The following RMDN2 variants were observed in gnomAD, a reference collection of about 807,000 sequenced individuals.
RMDN2 encodes the protein regulator of microtubule dynamics 2, also known as regulator of microtubule dynamics protein 2.
Under a neutral mutation model 52.8 loss-of-function variants are expected in RMDN2, and 61 were observed. That is an observed-to-expected ratio of 1.16 (90% CI 0.94 to 1.43). RMDN2 has a LOEUF of 1.43. Among genes scored for constraint, RMDN2 ranks in the 40% most tolerant of loss-of-function variants. The probability of loss-of-function intolerance (pLI) is 0.00; values close to 1 mark genes in which losing one functional copy is unlikely to be tolerated. For missense variants in RMDN2, 592 were observed against 475.3 expected (o/e 1.25, Z -2.28); for synonymous variants, 180 against 153.1 (o/e 1.18, Z -1.30).
chr2:37,981,232 C>G, intron 4 of RMDN2, 51 bp from the exon 5 acceptor site: 1 of 1,092,512 alleles, frequency 9.2e-7, no homozygotes, highest in South Asian at 1.2e-5. Context: ...AATAATCCAC[C>G]TCCTACCAAC....
intron 2 of RMDN2, among the ~76,000 whole-genome samples, chr2:37,954,903 T>A (rs1669261186): frequency 6.6e-6 from 1 of 152,108 alleles, no homozygotes; most frequent in East Asian, 1.9e-4. Context: ...TCAGTGTAGG[T>A]TTTTCATCTC....
chr2:37,954,010 C>T (rs951326321), intron 2 of RMDN2, among the ~76,000 whole-genome samples: 1 of 151,864 alleles, frequency 6.6e-6, no homozygotes, highest in Non-Finnish European at 1.5e-5. Flanking sequence ...GGAGAAATGC[C>T]AATTCAAGTC....
chr2:38,047,202 G>A (rs916245243), intron 10 of RMDN2, among the ~76,000 whole-genome samples: 2 of 152,024 alleles, frequency 1.3e-5, no homozygotes, highest in Non-Finnish European at 2.9e-5. Context: ...AGACTAAAAG[G>A]AAACGACATC....
intron 2 of RMDN2, among the ~76,000 whole-genome samples, chr2:37,931,017 C>A (rs1418771720): frequency 6.6e-6 from 1 of 151,246 alleles, no homozygotes; most frequent in Admixed American, 6.6e-5. Context: ...ACCCACCCGC[C>A]GACTAGGTCT....
At position 37,929,523 on chromosome 2, in the gene RMDN2, A is replaced by G. The variant is rs1205666413; in HGVS notation, c.246A>G (p.Leu82=). The G allele has an allele frequency of 6.4e-7, 1 of 1,551,776 alleles. No homozygotes were observed. The highest frequency in any genetic ancestry group is 8.7e-7 in the Non-Finnish European group (1 of 1,146,892). ...AGATACTGGAGAAGTTAAACGAATT[A>G]CTGACAAATATGGAAGAACTCAAAG... ...QLQILEKLNE[L]LTNMEELKEE... is the part of the protein sequence containing the mutation. The change falls in exon 2 of 11, where the codon TTA becomes TTG. Residue 82 remains leucine (L), a synonymous_variant. Coordinates refer to ENST00000354545, the MANE Select transcript of RMDN2 (RefSeq NM_001170791.3).
rs779786269 is a variant in RMDN2 at position 37,991,276 on chromosome 2, C to G, written c.924C>G (p.Leu308=). Residue 308 remains leucine, a synonymous_variant, in exon 7 of 11, where the codon CTC becomes CTG. Coordinates refer to ENST00000354545, the MANE Select transcript of RMDN2 (RefSeq NM_001170791.3). ...LLPEEPFLYY[L]KGRYCYTVSK... ...CAGAGGAACCCTTTCTATATTACCTCAAAGGGAGATACTGCTATACTGTAA... is the reference window on the plus strand; with the variant it reads ...CAGAGGAACCCTTTCTATATTACCTGAAAGGGAGATACTGCTATACTGTAA... 1 of 1,576,668 alleles carries G rather than the reference C, an allele frequency of 6.3e-7. No individual in the cohort carries two copies. The highest frequency in any genetic ancestry group is 1.8e-5 in the Admixed American group (1 of 56,720).
intron 2 of RMDN2, among the ~76,000 whole-genome samples, chr2:37,936,019 A>G (rs1272466395): frequency 6.6e-6 from 1 of 152,076 alleles, no homozygotes; most frequent in Admixed American, 6.6e-5. Flanking sequence ...CATCTATGTT[A>G]GGTAATTGTC....
At chr2:38,031,424 TC>T (rs1680197958) in intron 10 of RMDN2, among the ~76,000 whole-genome samples, 1 of 151,896 alleles carries the variant, frequency 6.6e-6, no homozygotes, top group South Asian at 2.1e-4. Context: ...CAGGTCCCTT[TC>T]CCACCTCCCA....
At chr2:38,064,032 T>C (rs1431769414) in intron 10 of RMDN2, among the ~76,000 whole-genome samples, 1 of 152,164 alleles carries the variant, frequency 6.6e-6, no homozygotes, top group Non-Finnish European at 1.5e-5. Flanking sequence ...ATCTATGAAG[T>C]ACACACAATC....
At position 38,017,245 on chromosome 2, in the gene RMDN2, C is replaced by T. The variant is rs771485619; in HGVS notation, c.*6C>T. 70 of 1,525,012 alleles carry T rather than the reference C, an allele frequency of 4.6e-5. No individual in the cohort carries two copies. The African/African-American group carries it at 6.2e-4, about 14-fold the overall frequency. 94.5% of individuals were successfully genotyped at this position (1,525,012 alleles called of 1,614,324 possible). On this transcript the variant is annotated 3_prime_UTR_variant, in exon 11 of 11. Transcript: ENST00000354545. Reference sequence around the variant, plus strand: ...TGACTTCCTTGAAGAGGTAAATAAACGAATTTACTCTTCAACAAATCAGAT... The same window carrying T: ...TGACTTCCTTGAAGAGGTAAATAAATGAATTTACTCTTCAACAAATCAGAT...
chr2:38,010,677 G>T (rs139332535), intron 10 of RMDN2, among the ~76,000 whole-genome samples: 2,111 of 152,250 alleles, frequency 0.014, 170 homozygotes, highest in Admixed American at 0.12. Flanking sequence ...GCAATGTCTT[G>T]CCCAGCTTCG....
intron 4 of RMDN2, among the ~76,000 whole-genome samples, chr2:37,975,637 C>T (rs560881814): frequency 2.6e-5 from 4 of 151,996 alleles, no homozygotes; most frequent in East Asian, 1.9e-4. Context: ...AGAAAACCAC[C>T]GTGGCACGTG....
At chr2:37,936,006 C>G (rs915187674) in intron 2 of RMDN2, among the ~76,000 whole-genome samples, 3 of 152,058 alleles carry the variant, frequency 2.0e-5, no homozygotes, top group Non-Finnish European at 4.4e-5. Flanking sequence ...CCTATCAACC[C>G]GTCATCTATG....
At chr2:37,981,944 A>G (rs921033432) in intron 5 of RMDN2, among the ~76,000 whole-genome samples, 12 of 152,024 alleles carry the variant, frequency 7.9e-5, no homozygotes, top group Non-Finnish European at 1.5e-4. Flanking sequence ...TTAAATTATT[A>G]TTCTTCCTTT....
At chr2:37,935,566 A>T (rs1667216705) in intron 2 of RMDN2, among the ~76,000 whole-genome samples, 1 of 152,196 alleles carries the variant, frequency 6.6e-6, no homozygotes, top group African/African-American at 2.4e-5. Flanking sequence ...ATATAATTGA[A>T]GTACCCTCTC....
Position 38,040,045 on chromosome 2 carries a change from CATTATTATT to C in RMDN2, c.1714-26906_1714-26898del, listed in dbSNP as rs60031771. Among the ~76,000 whole-genome samples the C allele has an allele frequency of 2.4e-3, 341 of 141,670 alleles. 3 individuals carry two copies. Among genetic ancestry groups the C allele is most frequent in the East Asian group, 0.011 (53 of 4,924 alleles). 92.9% of individuals were successfully genotyped at this position (141,670 alleles called of 152,430 possible). ...ACAGTATAAGGCCTGTGTCTAGATT[CATTATTATT>C]ATTATTATTATTATTATTATTATTA... On this transcript the variant is annotated intron_variant, in intron 10 of 10. Coordinates refer to the RMDN2 transcript ENST00000234195.
intron 2 of RMDN2, among the ~76,000 whole-genome samples, chr2:37,965,867 A>G (rs1191790967): frequency 6.6e-6 from 1 of 152,150 alleles, no homozygotes; most frequent in African/African-American, 2.4e-5. Flanking sequence ...TTTGAAGGAC[A>G]GTTTTGCTGT....
intron 2 of RMDN2, among the ~76,000 whole-genome samples, chr2:37,943,580 A>G (rs2124934392): frequency 6.6e-6 from 1 of 152,374 alleles, no homozygotes; most frequent in South Asian, 2.1e-4. Flanking sequence ...ATTCTTTTAA[A>G]AAATGAATTG....
intron 10 of RMDN2, chr2:38,027,209 T>G (rs1679842106): frequency 6.6e-6 from 1 of 152,210 alleles, no homozygotes; most frequent in South Asian, 2.1e-4. Flanking sequence ...CTGGACTCCT[T>G]TTGTGTTTCT....
Sources: allele counts gnomAD v4.1 joint callset (sites outside exome capture counted in the v4.1 genomes callset), GRCh38; gene constraint gnomAD v4.1.1; transcripts MANE v1.5; gene names NCBI Gene and HGNC (gene_info 2026-07-23, HGNC 2026-07-21).